The following CACNA1C variants were observed in gnomAD, a reference collection of about 807,000 sequenced individuals.
The protein encoded by CACNA1C is calcium voltage-gated channel subunit alpha1 C.
CACNA1C carries 30 observed loss-of-function variants against 229.0 expected under a neutral mutation model. That is an observed-to-expected ratio of 0.13 (90% CI 0.10 to 0.18). The LOEUF (loss-of-function observed/expected upper bound fraction) is 0.18, where lower values mean the gene tolerates loss of function less well. CACNA1C is among the 10% of genes least tolerant of loss of function. The pLI is 1.00. For missense variants in CACNA1C, 1,658 were observed against 2,845.0 expected, an observed-to-expected ratio of 0.58 and a Z score of 9.49; for synonymous variants, 1,114 against 1,132.5, an observed-to-expected ratio of 0.98 and a Z score of 0.33.
intron 3 of CACNA1C, among the ~76,000 whole-genome samples, chr12:2,372,848 A>C (rs1052052687): frequency 6.6e-6 from 1 of 152,248 alleles, no homozygotes; most frequent in Non-Finnish European, 1.5e-5. Flanking sequence ...CCAGTAGTGC[A>C]ATGGCAGCTC....
At chr12:2,178,589 G>A (rs576771375) in intron 3 of CACNA1C, among the ~76,000 whole-genome samples, 3 of 152,288 alleles carry the variant, frequency 2.0e-5, no homozygotes, top group African/African-American at 7.2e-5. Context: ...AGAAGGCTGT[G>A]AACACCTCTC....
chr12:2,625,497 G>A (rs1011119976), intron 29 of CACNA1C, among the ~76,000 whole-genome samples: 8 of 152,180 alleles, frequency 5.3e-5, no homozygotes, highest in Non-Finnish European at 1.2e-4. Context: ...CCTGCCTTAG[G>A]GGCAGGAAGG....
chr12:2,157,136 T>C (rs1442044793), intron 3 of CACNA1C, among the ~76,000 whole-genome samples: 1 of 152,234 alleles, frequency 6.6e-6, no homozygotes, highest in African/African-American at 2.4e-5. Context: ...TAGAAAATGC[T>C]AAGAGTAGAT....
At chr12:2,057,259 C>A (rs1461777487) in intron 1 of CACNA1C, among the ~76,000 whole-genome samples, 1 of 152,204 alleles carries the variant, frequency 6.6e-6, no homozygotes, top group Non-Finnish European at 1.5e-5. Context: ...ATCTTGGGAT[C>A]CCTGCTTCCT....
At chr12:2,570,137 G>T (rs933845223) in intron 13 of CACNA1C, among the ~76,000 whole-genome samples, 1 of 152,180 alleles carries the variant, frequency 6.6e-6, no homozygotes, top group African/African-American at 2.4e-5. Flanking sequence ...TTCAACCTGT[G>T]CCCCTCTAAG....
chr12:2,005,526 T>A (rs1174325967), intron 1 of CACNA1C, among the ~76,000 whole-genome samples: 10 of 152,228 alleles, frequency 6.6e-5, no homozygotes, highest in Non-Finnish European at 1.5e-4. Flanking sequence ...CTGCTGCCAA[T>A]GATAATTTTT....
chr12:2,159,446 G>A (rs2095720974), intron 3 of CACNA1C, among the ~76,000 whole-genome samples: 1 of 152,146 alleles, frequency 6.6e-6, no homozygotes, highest in Admixed American at 6.5e-5. Flanking sequence ...AGTGAGTGCA[G>A]TGAGCTGTGA....
In CACNA1C at chr12:2,632,965, A is replaced by G. The variant is rs577940524; in HGVS notation, c.3829-1332A>G. 3.9e-5 allele frequency among the ~76,000 whole-genome samples: 6 copies of G among 152,294 alleles called. No homozygotes were observed. In the South Asian group the frequency reaches 1.2e-3, roughly 32 times the overall value. On this transcript the variant is annotated intron_variant, in intron 29 of 46. Transcript: ENST00000399655. This position sits in a 1 kb window ranked among gnomAD's most constrained non-coding sequence, Gnocchi z 4.1. ...TGCCCCTGGAAACACTGGGGCACCC[A>G]GTGCAGGAACTAGGGTACCCTGATT...
At chr12:2,269,699 A>G (rs1227878589) in intron 3 of CACNA1C, 1 of 152,226 alleles carries the variant, frequency 6.6e-6, no homozygotes, top group Non-Finnish European at 1.5e-5. Context: ...TTCTACACAG[A>G]TGGTTCAACG....
intron 7 of CACNA1C, among the ~76,000 whole-genome samples, chr12:2,500,401 G>A (rs1210926255): frequency 1.3e-5 from 2 of 152,154 alleles, no homozygotes; most frequent in Admixed American, 6.5e-5. Context: ...AAGGCGCGTG[G>A]GTTTGTGTGG....
At chr12:2,668,871 G>A in intron 37 of CACNA1C, 62 bp from the exon 38 acceptor site, 1 of 1,074,268 alleles carries the variant, frequency 9.3e-7, no homozygotes, top group South Asian at 1.3e-5. Context: ...CTGCCACGGT[G>A]TTCTGCGGTC....
At chr12:2,045,103 G>A (rs2050832116) in intron 1 of CACNA1C, among the ~76,000 whole-genome samples, 1 of 152,160 alleles carries the variant, frequency 6.6e-6, no homozygotes, top group Non-Finnish European at 1.5e-5. Flanking sequence ...TATTAGTAGG[G>A]GGACTGTGAA....
At chr12:2,158,939 A>C (rs923402532) in intron 3 of CACNA1C, among the ~76,000 whole-genome samples, 2 of 152,118 alleles carry the variant, frequency 1.3e-5, no homozygotes, top group African/African-American at 4.8e-5. Flanking sequence ...ATCTAAACTA[A>C]ATCATGACAA....
At chr12:2,256,071 T>TGACTAG (rs1566709880) in intron 3 of CACNA1C, among the ~76,000 whole-genome samples, 5 of 152,248 alleles carry the variant, frequency 3.3e-5, no homozygotes, top group South Asian at 2.1e-4. Flanking sequence ...GATCCTGACC[T>TGACTAG]TACTAGTTTA....
intron 30 of CACNA1C, among the ~76,000 whole-genome samples, chr12:2,645,625 C>T (rs370588225): frequency 2.0e-4 from 31 of 152,274 alleles, no homozygotes; most frequent in Non-Finnish European, 2.4e-4. Context: ...ATGTAGGAAA[C>T]GCCCAGGGCA....
At chr12:2,540,417 A>C (rs2099866820) in intron 9 of CACNA1C, among the ~76,000 whole-genome samples, 1 of 152,150 alleles carries the variant, frequency 6.6e-6, no homozygotes. Context: ...GGGAGCTGCC[A>C]CAGATGCGAA....
At chr12:2,270,258 T>C (rs1462572312) in intron 3 of CACNA1C, among the ~76,000 whole-genome samples, 1 of 152,232 alleles carries the variant, frequency 6.6e-6, no homozygotes, top group East Asian at 1.9e-4. Flanking sequence ...TCAAGACTAG[T>C]GTGTTTACCT....
At chr12:2,005,693 C>T (rs1309441877) in intron 1 of CACNA1C, among the ~76,000 whole-genome samples, 7 of 152,136 alleles carry the variant, frequency 4.6e-5, no homozygotes, top group Non-Finnish European at 8.8e-5. Flanking sequence ...GTCAATATCT[C>T]AAAGATCTGC....
chr12:2,208,513 C>T (rs1003840529), intron 3 of CACNA1C, among the ~76,000 whole-genome samples: 2 of 152,126 alleles, frequency 1.3e-5, no homozygotes, highest in African/African-American at 4.8e-5. Flanking sequence ...AGCTGGCAGG[C>T]TCTGGAGCCC....
Sources: allele counts gnomAD v4.1 joint callset (sites outside exome capture counted in the v4.1 genomes callset), GRCh38; gene constraint gnomAD v4.1.1; non-coding constraint Gnocchi (gnomAD v3.1); transcripts MANE v1.5; gene names NCBI Gene and HGNC (gene_info 2026-07-23, HGNC 2026-07-21).